Variants in ERBB4 observed in about 807,000 individuals in gnomAD.
ERBB4 encodes the protein receptor tyrosine-protein kinase erbB-4.
Under a neutral mutation model 158.0 loss-of-function variants are expected in ERBB4, and 42 were observed. The ratio of observed to expected loss-of-function variants is 0.27; its 90% CI spans 0.21 to 0.34. The LOEUF (loss-of-function observed/expected upper bound fraction) is 0.34. Ranked by LOEUF, ERBB4 falls within the 10% of genes least tolerant of loss-of-function variation. The probability of loss-of-function intolerance (pLI) is 1.00; values close to 1 mark genes in which losing one functional copy is unlikely to be tolerated. For missense variants in ERBB4, 1,333 were observed against 1,624.1 expected, an observed-to-expected ratio of 0.82 and a Z score of 3.08; for synonymous variants, 583 against 558.7, an observed-to-expected ratio of 1.04 and a Z score of -0.61.
At chr2:212,505,558 G>T (rs1286326074) in intron 1 of ERBB4, among the ~76,000 whole-genome samples, 1 of 148,966 alleles carries the variant, frequency 6.7e-6, no homozygotes, top group Admixed American at 6.7e-5. Context: ...TACACATCTT[G>T]CTGGCTATGC....
At chr2:211,519,580 A>G (rs2066134796) in intron 20 of ERBB4, among the ~76,000 whole-genome samples, 1 of 152,150 alleles carries the variant, frequency 6.6e-6, no homozygotes, top group Non-Finnish European at 1.5e-5. Context: ...GACAAACAGG[A>G]CTAAAGGATA....
At chr2:212,294,822 G>T (rs2086350427) in intron 1 of ERBB4, among the ~76,000 whole-genome samples, 1 of 152,076 alleles carries the variant, frequency 6.6e-6, no homozygotes, top group African/African-American at 2.4e-5. Context: ...ACTCGAAACA[G>T]CTTCTAAAGT....
intron 2 of ERBB4, among the ~76,000 whole-genome samples, chr2:211,987,329 A>AC (rs2081963432): frequency 7.8e-6 from 1 of 127,476 alleles, no homozygotes; most frequent in Non-Finnish European, 1.6e-5. Flanking sequence ...TCAAGAAAAG[A>AC]CAAAAAAAAA....
At chr2:211,667,079 A>C (rs1368492181) in intron 14 of ERBB4, among the ~76,000 whole-genome samples, 1 of 149,416 alleles carries the variant, frequency 6.7e-6, no homozygotes, top group African/African-American at 2.5e-5. Flanking sequence ...ACTAACACTA[A>C]TGACACCTGA....
intron 1 of ERBB4, among the ~76,000 whole-genome samples, chr2:212,436,896 G>C (rs374645633): frequency 3.2e-4 from 49 of 152,070 alleles, no homozygotes; most frequent in African/African-American, 1.2e-3. Context: ...ACAAGAATAG[G>C]TTGGAGGCCA....
At chr2:211,556,438 T>C (rs879307192) in intron 20 of ERBB4, among the ~76,000 whole-genome samples, 8 of 152,178 alleles carry the variant, frequency 5.3e-5, no homozygotes, top group Non-Finnish European at 8.8e-5. Flanking sequence ...ATTAAATGGA[T>C]CTGATAGAAA....
At chr2:211,744,305 G>A (rs1047208304) in intron 5 of ERBB4, among the ~76,000 whole-genome samples, 3 of 152,058 alleles carry the variant, frequency 2.0e-5, no homozygotes, top group African/African-American at 7.2e-5. Context: ...TACTGAAAAT[G>A]TACTAACTTT....
intron 8 of ERBB4, among the ~76,000 whole-genome samples, 195 bp downstream of exon 8, chr2:211,713,340 A>G (rs909173764): frequency 3.9e-5 from 6 of 152,172 alleles, no homozygotes; most frequent in African/African-American, 1.4e-4. Context: ...ATTTTAGTAG[A>G]TAAAATTCAA....
At chr2:211,999,789 G>T (rs2076062785) in intron 2 of ERBB4, among the ~76,000 whole-genome samples, 1 of 151,210 alleles carries the variant, frequency 6.6e-6, no homozygotes, top group African/African-American at 2.4e-5. Context: ...TAATATTTTA[G>T]GTTTAAAACC....
At chr2:211,693,038 C>A (rs1327011449) in intron 12 of ERBB4, among the ~76,000 whole-genome samples, 1 of 152,126 alleles carries the variant, frequency 6.6e-6, no homozygotes, top group Non-Finnish European at 1.5e-5. Context: ...TAAATAGATG[C>A]TACACAAATT....
At chr2:212,136,179 G>C (rs2080265640) in intron 1 of ERBB4, among the ~76,000 whole-genome samples, 1 of 152,168 alleles carries the variant, frequency 6.6e-6, no homozygotes, top group South Asian at 2.1e-4. Context: ...AATTAGACTA[G>C]ATGTTCCTAA....
At chr2:211,739,919 T>C (rs529306516) in intron 5 of ERBB4, among the ~76,000 whole-genome samples, 162 of 152,356 alleles carry the variant, frequency 1.1e-3, no homozygotes, top group African/African-American at 3.7e-3. Context: ...ATGCAGTAGT[T>C]CCCTATTCAT....
intron 1 of ERBB4, among the ~76,000 whole-genome samples, chr2:212,288,582 G>A (rs1387402989): frequency 6.6e-6 from 1 of 152,112 alleles, no homozygotes; most frequent in Admixed American, 6.5e-5. Context: ...AGTGTGCGAG[G>A]TGGAAAACTG....
chr2:211,409,907 T>G (rs567150238), intron 25 of ERBB4, among the ~76,000 whole-genome samples: 70 of 152,302 alleles, frequency 4.6e-4, no homozygotes, highest in Non-Finnish European at 1.3e-4. Context: ...CCCTTGCAAC[T>G]CTGACACTCC....
intron 7 of ERBB4, among the ~76,000 whole-genome samples, chr2:211,717,187 AG>A (rs2073946542): frequency 6.6e-6 from 1 of 152,216 alleles, no homozygotes. Flanking sequence ...GTAGTAGATT[AG>A]GTAGTAGTAT....
rs2105900162 is a variant in ERBB4, at chr2:211,657,836, C to A, written c.1872-8G>T. ...CTAGTGGGACCGTTACACCTGCAGGCAATTACAGAACAGAAAACATCATTC... is the reference window on the plus strand; with the variant it reads ...CTAGTGGGACCGTTACACCTGCAGGAAATTACAGAACAGAAAACATCATTC... On this transcript the variant is annotated splice_region_variant and splice_polypyrimidine_tract_variant and intron_variant, in intron 15 of 27. Transcript: ENST00000342788. 6.2e-7 allele frequency: 1 copy of A among 1,613,332 alleles called. No individual in the cohort carries two copies. The highest frequency in any genetic ancestry group is 8.5e-7 in the Non-Finnish European group (1 of 1,179,356).
chr2:211,678,252 A>T (rs1470544058), intron 13 of ERBB4, among the ~76,000 whole-genome samples: 1 of 151,978 alleles, frequency 6.6e-6, no homozygotes, highest in African/African-American at 2.4e-5. Context: ...GAAACAAGCC[A>T]TTCCTATATA....
At chr2:212,179,233 T>C (rs1008076927) in intron 1 of ERBB4, among the ~76,000 whole-genome samples, 6 of 151,676 alleles carry the variant, frequency 4.0e-5, no homozygotes, top group Non-Finnish European at 7.4e-5. Context: ...TCAGGGGAGA[T>C]AGAGAGCTAC....
chr2:211,386,772 G>A, intron 27 of ERBB4, 81 bp downstream of exon 27: 1 of 1,423,300 alleles, frequency 7.0e-7, no homozygotes. Context: ...TCAGCTATCT[G>A]GCAATTTCTA....
Sources: gnomAD v4.1 joint callset for allele counts (sites outside exome capture counted in the v4.1 genomes callset) on GRCh38, gnomAD v4.1.1 for gene constraint, MANE v1.5 for transcripts, NCBI Gene and HGNC (gene_info 2026-07-23, HGNC 2026-07-21) for gene names.